LRRC7: variants seen among roughly 807,000 people sequenced by gnomAD.
LRRC7 encodes the protein leucine-rich repeat-containing protein 7.
A neutral mutation model predicts 175.7 loss-of-function variants in LRRC7; 23 were observed. The observed-to-expected ratio is 0.13, with a 90% CI of 0.09 to 0.19. The LOEUF is 0.19. Among genes scored for constraint, LRRC7 ranks in the 10% least tolerant of loss-of-function variants. LRRC7 has a pLI of 1.00. For synonymous variants in LRRC7, 685 were observed against 680.9 expected (o/e 1.01, Z -0.09); for missense variants, 1,354 against 1,904.7 (o/e 0.71, Z 5.38).
chr1:69,971,483 C>T (rs185630429), intron 8 of LRRC7, among the ~76,000 whole-genome samples: 17 of 152,230 alleles, frequency 1.1e-4, no homozygotes, highest in Admixed American at 7.2e-4. Context: ...CCACAGCGAC[C>T]AAGCGGAGAA....
intron 3 of LRRC7, among the ~76,000 whole-genome samples, chr1:69,760,878 AT>A (rs1670965860): frequency 6.6e-6 from 1 of 152,032 alleles, no homozygotes; most frequent in Non-Finnish European, 1.5e-5. Flanking sequence ...ATATTTGATT[AT>A]TACAAGTAGC....
chr1:70,012,209 T>A (rs780209003), intron 12 of LRRC7, among the ~76,000 whole-genome samples: 6 of 152,012 alleles, frequency 3.9e-5, no homozygotes, highest in Non-Finnish European at 8.8e-5. Flanking sequence ...TTATATCTTT[T>A]GGTTTTCAGA....
At chr1:69,793,103 G>A (rs1284398249) in intron 4 of LRRC7, among the ~76,000 whole-genome samples, 1 of 152,106 alleles carries the variant, frequency 6.6e-6, no homozygotes, top group African/African-American at 2.4e-5. Flanking sequence ...TTAGTGCTGA[G>A]GAGACAGGAA....
At chr1:69,904,069 A>G (rs970905236) in intron 7 of LRRC7, among the ~76,000 whole-genome samples, 2 of 152,202 alleles carry the variant, frequency 1.3e-5, no homozygotes, top group African/African-American at 4.8e-5. Flanking sequence ...AAATTCTACC[A>G]GAGGAACTGG....
intron 12 of LRRC7, among the ~76,000 whole-genome samples, 173 bp downstream of exon 12, chr1:70,012,099 T>C (rs1656567254): frequency 6.6e-6 from 1 of 152,018 alleles, no homozygotes; most frequent in Non-Finnish European, 1.5e-5. Flanking sequence ...GTTCTTATAT[T>C]TGACCCAGAA....
intron 2 of LRRC7, among the ~76,000 whole-genome samples, chr1:69,726,687 G>A (rs781120403): frequency 2.6e-5 from 4 of 151,832 alleles, no homozygotes; most frequent in African/African-American, 9.7e-5. Context: ...AAGAAGCAAG[G>A]TAAGAAGAGA....
chr1:69,656,616 T>C (rs959633358), intron 1 of LRRC7, among the ~76,000 whole-genome samples: 3 of 152,006 alleles, frequency 2.0e-5, no homozygotes, highest in Non-Finnish European at 4.4e-5. Flanking sequence ...ACTGCAGGTG[T>C]TATATTATCA....
At chr1:70,007,632 G>A (rs187494913) in intron 11 of LRRC7, among the ~76,000 whole-genome samples, 7 of 152,160 alleles carry the variant, frequency 4.6e-5, no homozygotes, top group Non-Finnish European at 8.8e-5. Context: ...GTCTTTTCAT[G>A]ATACGTTGTT....
At chr1:69,972,056 A>G (rs1652292940) in intron 8 of LRRC7, among the ~76,000 whole-genome samples, 1 of 152,218 alleles carries the variant, frequency 6.6e-6, no homozygotes, top group African/African-American at 2.4e-5. Flanking sequence ...GCGCTGGGAT[A>G]ATTGGCAAGC....
intron 1 of LRRC7, among the ~76,000 whole-genome samples, chr1:69,674,935 A>T (rs77291901): frequency 6.6e-6 from 1 of 152,170 alleles, no homozygotes; most frequent in Non-Finnish European, 1.5e-5. Context: ...AGCTTCATTT[A>T]CCGAGCTCTC....
intron 3 of LRRC7, among the ~76,000 whole-genome samples, chr1:69,779,003 T>C (rs147472058): frequency 0.01 from 1,365 of 134,420 alleles, 34 homozygotes; most frequent in Admixed American, 0.064. Flanking sequence ...TATACACATA[T>C]ATACACACAC....
chr1:70,036,479 TGTC>T lies in LRRC7; in HGVS notation c.2144_2146del (p.Cys715del). ...TGAGTCTGAAGTTGACAAAACTCAC[TGTC>T]TGAATAACAGTGTTTCCTCAGGCAC... On this transcript the variant is annotated inframe_deletion, in exon 20 of 27. Transcript: ENST00000651989. 1.2e-6 allele frequency: 2 copies of T among 1,613,298 alleles called. No individual in the cohort carries two copies. The highest frequency in any genetic ancestry group is 1.7e-6 in the Non-Finnish European group (2 of 1,179,724).
At chr1:69,712,626 CA>C (rs1234170259) in intron 2 of LRRC7, among the ~76,000 whole-genome samples, 1 of 151,780 alleles carries the variant, frequency 6.6e-6, no homozygotes, top group Admixed American at 6.6e-5. Context: ...AAACCAACAA[CA>C]AAAAAAGAAC....
intron 4 of LRRC7, among the ~76,000 whole-genome samples, chr1:69,798,464 G>T (rs1433957844): frequency 6.6e-6 from 1 of 152,040 alleles, no homozygotes; most frequent in Non-Finnish European, 1.5e-5. Flanking sequence ...CCTGTGTATT[G>T]TCTATCCTAA....
chr1:69,651,207 A>T (rs908976583), intron 1 of LRRC7, among the ~76,000 whole-genome samples: 3 of 152,176 alleles, frequency 2.0e-5, no homozygotes, highest in African/African-American at 7.2e-5. Context: ...AAATCTGCAT[A>T]TTTATTTAAA....
intron 9 of LRRC7, among the ~76,000 whole-genome samples, chr1:69,982,192 ATAATGCTGCC>A (rs1157458419): frequency 6.6e-6 from 1 of 152,256 alleles, no homozygotes; most frequent in Non-Finnish European, 1.5e-5. Context: ...CATAAAACAT[ATAATGCTGCC>A]TAATTTGTCT....
intron 3 of LRRC7, among the ~76,000 whole-genome samples, chr1:69,763,141 A>G (rs1671226436): frequency 6.6e-6 from 1 of 152,092 alleles, no homozygotes; most frequent in African/African-American, 2.4e-5. Context: ...TGTTTCAAGT[A>G]ACAGAAAACC....
intron 7 of LRRC7, among the ~76,000 whole-genome samples, chr1:69,857,959 G>C (rs1394109559): frequency 2.6e-5 from 4 of 151,920 alleles, no homozygotes; most frequent in Non-Finnish European, 4.4e-5. Context: ...TAATACCACA[G>C]ATCTACAACC....
At chr1:69,598,876 A>G (rs571381804) in intron 1 of LRRC7, among the ~76,000 whole-genome samples, 1 of 152,324 alleles carries the variant, frequency 6.6e-6, no homozygotes, top group South Asian at 2.1e-4. Context: ...AACATTATTC[A>G]CTTTGTTCCC....
Sources: allele counts gnomAD v4.1 joint callset (sites outside exome capture counted in the v4.1 genomes callset), GRCh38; gene constraint gnomAD v4.1.1; transcripts MANE v1.5; gene names NCBI Gene and HGNC (gene_info 2026-07-23, HGNC 2026-07-21).